CNTLN: variants seen among roughly 807,000 people sequenced by gnomAD.
The protein encoded by CNTLN is centlein.
A neutral mutation model predicts 180.0 loss-of-function variants in CNTLN; 212 were observed. The ratio of observed to expected loss-of-function variants is 1.18; its 90% CI spans 1.05 to 1.32. The LOEUF is 1.32. Among genes scored for constraint, CNTLN ranks in the 40% most tolerant of loss-of-function variants. CNTLN has a pLI of 0.00. For synonymous variants in CNTLN, 722 were observed against 563.1 expected (o/e 1.28, Z -3.99); for missense variants, 2,095 against 1,610.9 (o/e 1.30, Z -5.14).
At chr9:17,469,775 C>CCTTTCTCTGTCATGAA (rs61414633) in intron 23 of CNTLN, among the ~76,000 whole-genome samples, 9,336 of 151,740 alleles carry the variant, frequency 0.062, 994 homozygotes, top group African/African-American at 0.21. Context: ...TAACTCTGGG[C>CCTTTCTCTGTCATGAA]CTTTCTCTGT....
At chr9:17,287,491 G>A (rs1488802094) in intron 6 of CNTLN, among the ~76,000 whole-genome samples, 8 of 151,138 alleles carry the variant, frequency 5.3e-5, no homozygotes, top group Admixed American at 3.3e-4. Flanking sequence ...GTCTCTGCCC[G>A]GCTTTGGTAT....
chr9:17,398,586 C>T (rs943192523), intron 15 of CNTLN, among the ~76,000 whole-genome samples: 1 of 152,192 alleles, frequency 6.6e-6, no homozygotes. Flanking sequence ...AGACTCCAGT[C>T]AGCCACATTG....
chr9:17,469,310 T>A (rs1012078647), intron 23 of CNTLN, among the ~76,000 whole-genome samples: 1 of 151,800 alleles, frequency 6.6e-6, no homozygotes, highest in East Asian at 1.9e-4. Flanking sequence ...AATTTGACAT[T>A]TGTTTTTCTT....
chr9:17,448,996 A>G (rs1323896281), intron 18 of CNTLN, among the ~76,000 whole-genome samples: 7 of 152,102 alleles, frequency 4.6e-5, no homozygotes, highest in Non-Finnish European at 1.0e-4. Context: ...TTTCTTTCCT[A>G]TTGAGGAAAG....
intron 6 of CNTLN, among the ~76,000 whole-genome samples, chr9:17,281,096 T>C (rs573261082): frequency 2.0e-5 from 3 of 152,282 alleles, no homozygotes; most frequent in East Asian, 1.9e-4. Context: ...TGGCTTTCTA[T>C]TGGTATTTCA....
intron 18 of CNTLN, among the ~76,000 whole-genome samples, chr9:17,421,103 A>C (rs1828688962): frequency 1.3e-5 from 2 of 152,080 alleles, no homozygotes; most frequent in Admixed American, 1.3e-4. Context: ...ATTAAGTCTG[A>C]TGTTTCTTTG....
chr9:17,446,986 T>C (rs968197851), intron 18 of CNTLN, among the ~76,000 whole-genome samples: 2 of 152,230 alleles, frequency 1.3e-5, no homozygotes, highest in Non-Finnish European at 2.9e-5. Flanking sequence ...TTAAAAGTTA[T>C]GGCCTCTTTT....
chr9:17,334,412 C>A (rs1820855414), intron 10 of CNTLN, among the ~76,000 whole-genome samples: 1 of 112,104 alleles, frequency 8.9e-6, no homozygotes, highest in African/African-American at 3.3e-5. Context: ...GAAACAGAGC[C>A]AATAGAATAC....
intron 18 of CNTLN, among the ~76,000 whole-genome samples, chr9:17,425,859 T>C (rs1829045763): frequency 6.6e-6 from 1 of 152,248 alleles, no homozygotes; most frequent in Admixed American, 6.5e-5. Context: ...GCTTGATTTC[T>C]CCTGATTGCT....
At chr9:17,435,644 T>C (rs1829727241) in intron 18 of CNTLN, among the ~76,000 whole-genome samples, 1 of 151,500 alleles carries the variant, frequency 6.6e-6, no homozygotes, top group African/African-American at 2.4e-5. Flanking sequence ...CACTGCAGCC[T>C]CTGTCCACCC....
intron 2 of CNTLN, among the ~76,000 whole-genome samples, chr9:17,174,743 G>A (rs1007202835): frequency 6.6e-6 from 1 of 151,708 alleles, no homozygotes; most frequent in African/African-American, 2.4e-5. Context: ...GTTTGTCAGA[G>A]TGTCTATACC....
At chr9:17,425,486 G>A (rs1159258510) in intron 18 of CNTLN, among the ~76,000 whole-genome samples, 2 of 152,180 alleles carry the variant, frequency 1.3e-5, no homozygotes, top group Non-Finnish European at 2.9e-5. Context: ...GTAAATTTCT[G>A]TTCTTTTAGC....
rs542346632 is a variant in CNTLN at position 17,155,036 on chromosome 9, A to G, written c.449+11660A>G. Among the ~76,000 whole-genome samples the G allele has an allele frequency of 4.0e-5, 6 of 151,674 alleles. No individual in the cohort carries two copies. The South Asian group carries it at 1.1e-3, about 27-fold the overall frequency. ...CACGAACCACTGGGAGGAACAGACG[A>G]CTCTGGATGCGCCACCTTTAAGAGC... On this transcript the variant is annotated intron_variant, in intron 2 of 25. Coordinates refer to ENST00000380647, the MANE Select transcript of CNTLN (RefSeq NM_017738.4).
intron 2 of CNTLN, among the ~76,000 whole-genome samples, chr9:17,154,996 TG>T (rs1819168667): frequency 6.6e-6 from 1 of 152,206 alleles, no homozygotes; most frequent in Non-Finnish European, 1.5e-5. Flanking sequence ...GCTTCACTCC[TG>T]AAGTCAGCAA....
intron 6 of CNTLN, among the ~76,000 whole-genome samples, chr9:17,275,264 G>T (rs1030045726): frequency 6.6e-6 from 1 of 151,940 alleles, no homozygotes; most frequent in Non-Finnish European, 1.5e-5. Context: ...TTTGAACATT[G>T]TTTTACATGT....
the CNTLN span, among the ~76,000 whole-genome samples, chr9:17,510,751 G>A: frequency 1.3e-5 from 2 of 152,192 alleles, no homozygotes; most frequent in Non-Finnish European, 2.9e-5. Context: ...GAATAAATCT[G>A]TCTGTTTCCC....
At chr9:17,223,085 A>G (rs748463571) in intron 2 of CNTLN, among the ~76,000 whole-genome samples, 1 of 152,004 alleles carries the variant, frequency 6.6e-6, no homozygotes, top group South Asian at 2.1e-4. Context: ...ACACGGTAAT[A>G]GGCAGGTTGT....
chr9:17,352,409 TATATA>T (rs1164689328), intron 12 of CNTLN, among the ~76,000 whole-genome samples: 6 of 20,460 alleles, frequency 2.9e-4, no homozygotes, highest in East Asian at 3.4e-3. Context: ...TATATATATA[TATATA>T]TATTTTTTTT....
chr9:17,315,564 C>T (rs1819481970), intron 8 of CNTLN, among the ~76,000 whole-genome samples: 1 of 152,040 alleles, frequency 6.6e-6, no homozygotes, highest in South Asian at 2.1e-4. Flanking sequence ...TCAAATATGA[C>T]TTCTGCACAT....
Sources: gnomAD v4.1 joint callset for allele counts (sites outside exome capture counted in the v4.1 genomes callset) on GRCh38, gnomAD v4.1.1 for gene constraint, MANE v1.5 for transcripts, NCBI Gene and HGNC (gene_info 2026-07-23, HGNC 2026-07-21) for gene names.